The following CREM variants were observed in gnomAD, a reference collection of about 807,000 sequenced individuals.
CREM encodes the protein cAMP responsive element modulator, also known as cAMP-responsive element modulator.
Under a neutral mutation model 37.3 loss-of-function variants are expected in CREM, and 13 were observed. The ratio of observed to expected loss-of-function variants is 0.35; its 90% CI spans 0.23 to 0.55. The LOEUF is 0.55. Among genes scored for constraint, CREM ranks in the 20% least tolerant of loss-of-function variants. The pLI, the probability that CREM is intolerant of heterozygous loss-of-function variation, is 0.88. For synonymous variants in CREM, 124 were observed against 120.2 expected, an observed-to-expected ratio of 1.03 and a Z score of -0.21; for missense variants, 296 against 362.3, an observed-to-expected ratio of 0.82 and a Z score of 1.49.
intron 3 of CREM, among the ~76,000 whole-genome samples, chr10:35,158,807 TTG>T (rs1264501644): frequency 5.2e-5 from 5 of 96,870 alleles, no homozygotes; most frequent in Non-Finnish European, 9.7e-5. Context: ...TGTTTTTTTT[TTG>T]TTGTTTTGTT....
At chr10:35,156,717 C>T (rs2092940053) in intron 3 of CREM, among the ~76,000 whole-genome samples, 1 of 152,050 alleles carries the variant, frequency 6.6e-6, no homozygotes, top group South Asian at 2.1e-4. Context: ...ATTTTTGTAG[C>T]CCTATCAGAG....
At chr10:35,198,196 G>C (rs956369788) in intron 6 of CREM, among the ~76,000 whole-genome samples, 3 of 152,050 alleles carry the variant, frequency 2.0e-5, no homozygotes, top group African/African-American at 4.8e-5. Flanking sequence ...GATATTAGCA[G>C]CATTTACCTA....
chr10:35,193,968 G>A (rs577026585), intron 6 of CREM, among the ~76,000 whole-genome samples: 1 of 151,652 alleles, frequency 6.6e-6, no homozygotes, highest in South Asian at 2.1e-4. Context: ...GGCATGGTGG[G>A]CACCTGTAAT....
At chr10:35,166,166 C>T (rs116805021) in intron 3 of CREM, among the ~76,000 whole-genome samples, 392 of 152,190 alleles carry the variant, frequency 2.6e-3, no homozygotes, top group African/African-American at 9.1e-3. Flanking sequence ...TCATACTTGG[C>T]TTATCTCTTT....
chr10:35,136,413 T>C (rs1009835273), intron 1 of CREM, among the ~76,000 whole-genome samples: 1 of 152,182 alleles, frequency 6.6e-6, no homozygotes, highest in African/African-American at 2.4e-5. Flanking sequence ...TTAAGGAGCA[T>C]AAGATGTCCC....
In CREM at chr10:35,134,726, T is replaced by C. The variant is rs533071163; in HGVS notation, c.-54-3056T>C. On this transcript the variant is annotated intron_variant, in intron 1 of 7. Coordinates refer to ENST00000685392, the MANE Select transcript of CREM (RefSeq NM_183011.2). ...AATATCATTTGTATAGAAAGCTATA[T>C]ATTGAAGGATACCGACAGCAGTGAA... Among the ~76,000 whole-genome samples, 30 of 152,220 alleles carry C rather than the reference T, an allele frequency of 2.0e-4. 1 individual carries two copies. The South Asian group carries it at 5.8e-3, about 29-fold the overall frequency.
At chr10:35,161,041 T>C (rs1025375694) in intron 3 of CREM, among the ~76,000 whole-genome samples, 1 of 152,178 alleles carries the variant, frequency 6.6e-6, no homozygotes, top group Non-Finnish European at 1.5e-5. Context: ...TAACTTGAAG[T>C]AAAATAATAA....
intron 6 of CREM, among the ~76,000 whole-genome samples, chr10:35,205,559 G>A (rs1242769930): frequency 6.6e-6 from 1 of 152,148 alleles, no homozygotes; most frequent in East Asian, 1.9e-4. Context: ...TGGAGTATAG[G>A]AAAATCTCTA....
At chr10:35,205,280 G>A (rs892732004) in intron 6 of CREM, among the ~76,000 whole-genome samples, 1 of 152,122 alleles carries the variant, frequency 6.6e-6, no homozygotes, top group African/African-American at 2.4e-5. Flanking sequence ...AATATTAAAC[G>A]CTGTATTTTA....
At chr10:35,176,463 A>C (rs951505204) in intron 3 of CREM, among the ~76,000 whole-genome samples, 1 of 142,758 alleles carries the variant, frequency 7.0e-6, no homozygotes, top group Non-Finnish European at 1.5e-5. Context: ...GCTGGAGGGC[A>C]GTGGCATGAT....
intron 2 of CREM, among the ~76,000 whole-genome samples, chr10:35,139,682 T>G (rs1293281212): frequency 1.3e-5 from 2 of 152,234 alleles, no homozygotes; most frequent in Non-Finnish European, 2.9e-5. Context: ...CTATGTTTAT[T>G]TAATATTATC....
At chr10:35,187,060 T>TA (rs547096242) in intron 5 of CREM, among the ~76,000 whole-genome samples, 12,366 of 81,288 alleles carry the variant, frequency 0.15, 1,104 homozygotes, top group East Asian at 0.24. Context: ...AATTAATATA[T>TA]ATAATTAATA....
intron 1 of CREM, among the ~76,000 whole-genome samples, chr10:35,129,448 G>A (rs554376696): frequency 3.3e-5 from 5 of 152,304 alleles, no homozygotes; most frequent in African/African-American, 1.2e-4. Flanking sequence ...AAGTAGGGAA[G>A]AGTTTTGAAT....
At chr10:35,170,264 C>T (rs910392426) in intron 3 of CREM, among the ~76,000 whole-genome samples, 6 of 151,960 alleles carry the variant, frequency 3.9e-5, no homozygotes, top group African/African-American at 1.2e-4. Context: ...TGTGTCTGGC[C>T]GGATAAGCTT....
Position 35,178,952 on chromosome 10 carries a change from C to G in CREM, c.232C>G (p.Arg78Gly). 2 of 1,612,960 alleles carry G rather than the reference C, an allele frequency of 1.2e-6. No homozygotes were observed. The highest frequency in any genetic ancestry group is 1.7e-5 in the Admixed American group (1 of 59,750). Residue 78 changes from arginine (R) to glycine (G), a missense_variant, in exon 4 of 8, where the codon CGT becomes GGT. Arg to Gly is a moderately radical substitution (Grantham distance 125, BLOSUM62 -2). This residue lies in a region of CREM where 257 missense variants were observed against 280.2 expected (regional missense o/e 0.92). Transcript: ENST00000685392. ...AGAAGGTGTAATTGATTCTCATAAA[C>G]GTAGAGAAATCCTTTCACGAAGACC... ...ESEGVIDSHKRREILSRRPSY... is the reference protein window; with the variant it reads ...ESEGVIDSHKGREILSRRPSY...
intron 3 of CREM, among the ~76,000 whole-genome samples, chr10:35,176,574 A>AT (rs952550062): frequency 2.4e-4 from 37 of 151,294 alleles, no homozygotes; most frequent in African/African-American, 8.0e-4. Context: ...TGCGTGGCTA[A>AT]TTTTTTTTGT....
chr10:35,170,620 T>C (rs1185137272), intron 3 of CREM, among the ~76,000 whole-genome samples: 1 of 152,196 alleles, frequency 6.6e-6, no homozygotes, highest in African/African-American at 2.4e-5. Flanking sequence ...CTTCCTGGTT[T>C]AGTCTTGGGA....
At chr10:35,129,120 T>G (rs770440496) in intron 1 of CREM, among the ~76,000 whole-genome samples, 2 of 151,852 alleles carry the variant, frequency 1.3e-5, no homozygotes, top group Non-Finnish European at 3.0e-5. Flanking sequence ...AATATAACAC[T>G]TACTTTCCCA....
At chr10:35,206,783 C>T in intron 6 of CREM, 112 bp from the exon 7 acceptor site, 3 of 973,620 alleles carry the variant, frequency 3.1e-6, no homozygotes, top group South Asian at 2.7e-5. Context: ...TTAAACATTA[C>T]AAGATCACCT....
Sources: allele counts gnomAD v4.1 joint callset (sites outside exome capture counted in the v4.1 genomes callset), GRCh38; gene constraint gnomAD v4.1.1; regional missense constraint gnomAD v4.1.1; transcripts MANE v1.5; gene names NCBI Gene and HGNC (gene_info 2026-07-23, HGNC 2026-07-21).